The following OSBPL1A variants were observed in gnomAD, a reference collection of about 807,000 sequenced individuals.
OSBPL1A encodes the protein oxysterol binding protein like 1A.
OSBPL1A carries 80 observed loss-of-function variants against 137.1 expected under a neutral mutation model. The observed-to-expected ratio is 0.58, with a 90% confidence interval of 0.49 to 0.70. The LOEUF is 0.70. OSBPL1A is among the 30% of genes least tolerant of loss of function. The probability of loss-of-function intolerance (pLI) is 0.00; values close to 1 mark genes in which losing one functional copy is unlikely to be tolerated. For synonymous variants in OSBPL1A, 365 were observed against 389.7 expected (o/e 0.94, Z 0.75); for missense variants, 970 against 1,129.4 (o/e 0.86, Z 2.02).
At position 24,253,211 on chromosome 18, in the gene OSBPL1A, C is replaced by G. The variant is rs1474176211; in HGVS notation, c.1282-13829G>C. Among the ~76,000 whole-genome samples the G allele has an allele frequency of 2.9e-5, 4 of 139,364 alleles. No individual in the cohort carries two copies. In the Admixed American group the frequency reaches 3.0e-4, roughly 10 times the overall value. 91.4% of individuals were successfully genotyped at this position (139,364 alleles called of 152,430 possible). ...GATGAAAAAAACAAGACCCCACAAT[C>G]TGTTGCCTACAGGAAATGCATTTCA... On this transcript the variant is annotated intron_variant, in intron 15 of 27. Transcript: ENST00000319481.
At chr18:24,295,856 G>C (rs2090280293) in intron 14 of OSBPL1A, among the ~76,000 whole-genome samples, 1 of 142,580 alleles carries the variant, frequency 7.0e-6, no homozygotes, top group Non-Finnish European at 1.5e-5. Context: ...TGGTCTAAGA[G>C]CCTTTTTTTT....
rs1158192595 is a variant in OSBPL1A, at chr18:24,201,617, G to A, written c.1602-5417C>T. 9.9e-5 allele frequency among the ~76,000 whole-genome samples: 15 copies of A among 152,192 alleles called. No individual in the cohort carries two copies. The East Asian group carries it at 1.5e-3, about 16-fold the overall frequency. ...GTCTCTACTAAAAATACAAAAATTA[G>A]CTGAGCGTGGTGGCACATGCCTGCA... On this transcript the variant is annotated intron_variant, in intron 17 of 27. Coordinates refer to ENST00000319481, the MANE Select transcript of OSBPL1A (RefSeq NM_080597.4).
At chr18:24,334,949 GCA>G (rs2091148767) in intron 5 of OSBPL1A, among the ~76,000 whole-genome samples, 1 of 152,116 alleles carries the variant, frequency 6.6e-6, no homozygotes, top group Non-Finnish European at 1.5e-5. Context: ...GAGTGCAGTG[GCA>G]CAGTCATAGC....
At chr18:24,352,372 C>A (rs1362793820) in intron 4 of OSBPL1A, among the ~76,000 whole-genome samples, 2 of 151,794 alleles carry the variant, frequency 1.3e-5, no homozygotes, top group African/African-American at 2.4e-5. Flanking sequence ...AGAGATAAGC[C>A]AACAGAAAAT....
At chr18:24,311,519 T>C (rs1769197552) in intron 13 of OSBPL1A, 1 of 987,168 alleles carries the variant, frequency 1.0e-6, no homozygotes, top group African/African-American at 1.7e-5. Context: ...CATTCATTAA[T>C]GATGCTTTAC....
chr18:24,387,293 G>A lies in OSBPL1A; in HGVS notation c.-2-9758C>T, dbSNP rs572160852. Reference sequence around the variant, plus strand: ...CTGGTCTTGAATCCTGGGCTCAAGCGATCCACCTGCCTTGGTCTCCCAAAG... The same window carrying A: ...CTGGTCTTGAATCCTGGGCTCAAGCAATCCACCTGCCTTGGTCTCCCAAAG... On this transcript the variant is annotated intron_variant, in intron 1 of 27. Transcript: ENST00000319481. Among the ~76,000 whole-genome samples the A allele has an allele frequency of 1.2e-3, 180 of 151,954 alleles. No individual in the cohort carries two copies. The South Asian group carries it at 0.013, about 11-fold the overall frequency.
intron 26 of OSBPL1A, among the ~76,000 whole-genome samples, chr18:24,165,378 T>C (rs1362860508): frequency 6.6e-6 from 1 of 152,214 alleles, no homozygotes; most frequent in Non-Finnish European, 1.5e-5. Context: ...TCACAGCCTA[T>C]GCTCTTAACA....
intron 24 of OSBPL1A, among the ~76,000 whole-genome samples, chr18:24,167,788 C>T (rs550885583): frequency 6.6e-6 from 1 of 152,300 alleles, no homozygotes; most frequent in South Asian, 2.1e-4. Context: ...AGAACATATC[C>T]CTGTCCTTAG....
At chr18:24,183,055 G>A (rs928598951) in intron 18 of OSBPL1A, among the ~76,000 whole-genome samples, 4 of 151,906 alleles carry the variant, frequency 2.6e-5, no homozygotes, top group African/African-American at 9.7e-5. Flanking sequence ...TTTTTTAGTA[G>A]AGACAGGGTT....
chr18:24,210,559 GGTCT>G (rs2087508479), intron 17 of OSBPL1A, among the ~76,000 whole-genome samples: 1 of 149,324 alleles, frequency 6.7e-6, no homozygotes, highest in Non-Finnish European at 1.5e-5. Context: ...CTTGAGATAG[GGTCT>G]TACTTTGTCA....
At chr18:24,318,185 C>T (rs1231077294) in intron 9 of OSBPL1A, among the ~76,000 whole-genome samples, 1 of 152,058 alleles carries the variant, frequency 6.6e-6, no homozygotes, top group African/African-American at 2.4e-5. Context: ...GTGGCTCACA[C>T]CTGTAATCCC....
At chr18:24,359,325 C>A (rs1336894415) in intron 4 of OSBPL1A, among the ~76,000 whole-genome samples, 1 of 152,054 alleles carries the variant, frequency 6.6e-6, no homozygotes, top group Non-Finnish European at 1.5e-5. Flanking sequence ...TGACTTCAAG[C>A]GATCCTCCTG....
intron 14 of OSBPL1A, among the ~76,000 whole-genome samples, chr18:24,285,554 C>A (rs1321328089): frequency 3.9e-5 from 6 of 152,054 alleles, no homozygotes; most frequent in African/African-American, 1.4e-4. Context: ...TGAAATATTT[C>A]CATCATTTGG....
chr18:24,203,666 T>G (rs548331003), intron 17 of OSBPL1A, among the ~76,000 whole-genome samples: 1 of 152,312 alleles, frequency 6.6e-6, no homozygotes, highest in East Asian at 1.9e-4. Context: ...TCTACCACCC[T>G]ATAATCCATG....
rs117851848 is a variant in OSBPL1A at position 24,394,794 on chromosome 18, C to T, written c.-3+2861G>A. 2.2e-3 allele frequency among the ~76,000 whole-genome samples: 324 copies of T among 150,612 alleles called. 1 individual carries two copies. The highest frequency in any genetic ancestry group is 0.012 in the South Asian group (57 of 4,618). On this transcript the variant is annotated intron_variant, in intron 1 of 27. Coordinates refer to ENST00000319481, the MANE Select transcript of OSBPL1A (RefSeq NM_080597.4). ...AACATGTGGTTACTTTCCATTGTCA[C>T]ATGATACGAAATTGTACAGTTAAAG...
chr18:24,219,267 TGGG>T (rs1327191138), intron 17 of OSBPL1A, among the ~76,000 whole-genome samples: 1 of 152,132 alleles, frequency 6.6e-6, no homozygotes, highest in Non-Finnish European at 1.5e-5. Flanking sequence ...CACTCCAGCC[TGGG>T]CAATGGGGTG....
intron 17 of OSBPL1A, among the ~76,000 whole-genome samples, chr18:24,202,018 T>C (rs1388051270): frequency 6.6e-6 from 1 of 152,216 alleles, no homozygotes; most frequent in African/African-American, 2.4e-5. Context: ...CTTTCCAGGT[T>C]TGCCTCCTGA....
intron 11 of OSBPL1A, among the ~76,000 whole-genome samples, chr18:24,316,291 C>A (rs1329820579): frequency 2.0e-5 from 3 of 151,718 alleles, no homozygotes; most frequent in Admixed American, 1.3e-4. Flanking sequence ...AAAACAAAAC[C>A]AAACCCACAA....
intron 15 of OSBPL1A, among the ~76,000 whole-genome samples, chr18:24,272,686 C>T (rs547687700): frequency 6.6e-6 from 1 of 152,300 alleles, no homozygotes; most frequent in African/African-American, 2.4e-5. Context: ...ACTCTGTCCT[C>T]ATACTTTAGT....
Sources: allele counts gnomAD v4.1 joint callset (sites outside exome capture counted in the v4.1 genomes callset), GRCh38; gene constraint gnomAD v4.1.1; transcripts MANE v1.5; gene names NCBI Gene and HGNC (gene_info 2026-07-23, HGNC 2026-07-21).